INSYN2B: variants seen among roughly 807,000 people sequenced by gnomAD.
INSYN2B encodes inhibitory synaptic factor family member 2B, also known as protein INSYN2B.
INSYN2B carries 16 observed loss-of-function variants against 41.2 expected under a neutral mutation model. That is an observed-to-expected ratio of 0.39 (90% CI 0.26 to 0.59). The LOEUF is 0.59. INSYN2B is among the 20% of genes least tolerant of loss of function. INSYN2B has a pLI of 0.57. For missense variants in INSYN2B, 608 were observed against 646.4 expected, an observed-to-expected ratio of 0.94 and a Z score of 0.64; for synonymous variants, 245 against 244.4, an observed-to-expected ratio of 1.00 and a Z score of -0.02.
chr5:169,973,347 G>A (rs1777595958), intron 1 of INSYN2B, among the ~76,000 whole-genome samples: 1 of 152,134 alleles, frequency 6.6e-6, no homozygotes, highest in Admixed American at 6.5e-5. Context: ...CACATCTCCG[G>A]CTGATCACAG....
At chr5:169,954,490 G>A (rs558407422) in intron 1 of INSYN2B, among the ~76,000 whole-genome samples, 1 of 152,306 alleles carries the variant, frequency 6.6e-6, no homozygotes, top group South Asian at 2.1e-4. Flanking sequence ...GTCAGGCAGG[G>A]ACCAGAAAGA....
At chr5:169,934,813 AATTG>A (rs1487166012) in intron 1 of INSYN2B, 2 of 436,980 alleles carry the variant, frequency 4.6e-6, no homozygotes, top group Non-Finnish European at 9.3e-6. Flanking sequence ...CTGTATGATA[AATTG>A]ATTGTAGTGT....
At chr5:169,917,978 A>G (rs1216656724) in intron 1 of INSYN2B, among the ~76,000 whole-genome samples, 2 of 152,230 alleles carry the variant, frequency 1.3e-5, no homozygotes, top group Non-Finnish European at 2.9e-5. Context: ...GCCCTGAGCT[A>G]ATGTGTGTTC....
chr5:169,929,741 C>CAAAAA (rs1211612989), intron 1 of INSYN2B, among the ~76,000 whole-genome samples: 2 of 62,952 alleles, frequency 3.2e-5, no homozygotes, highest in African/African-American at 1.1e-4. Flanking sequence ...GACCCTGTCT[C>CAAAAA]AAAAAAAAAA....
intron 1 of INSYN2B, among the ~76,000 whole-genome samples, chr5:169,978,392 TGGGGGGG>T (rs150934804): frequency 4.4e-5 from 1 of 22,734 alleles, no homozygotes; most frequent in South Asian, 1.9e-3. Flanking sequence ...TGTGTGTGTG[TGGGGGGG>T]GGGGGGTGTA....
chr5:169,889,932 C>A (rs529562593), intron 1 of INSYN2B, among the ~76,000 whole-genome samples: 6 of 152,298 alleles, frequency 3.9e-5, no homozygotes, highest in Admixed American at 3.9e-4. Flanking sequence ...GACACATTGC[C>A]GTGTCCCTTC....
chr5:169,939,217 T>TA (rs1776130887), intron 1 of INSYN2B, among the ~76,000 whole-genome samples: 3 of 151,274 alleles, frequency 2.0e-5, no homozygotes, highest in South Asian at 4.2e-4. Context: ...TTTTTTTTTT[T>TA]AAACTTTTTA....
chr5:169,887,779 T>C (rs1283867198), intron 1 of INSYN2B, among the ~76,000 whole-genome samples: 1 of 152,214 alleles, frequency 6.6e-6, no homozygotes, highest in Non-Finnish European at 1.5e-5. Context: ...CTGTGCATTT[T>C]AGATTTCGTT....
chr5:169,874,726 G>A (rs1326187913), intron 3 of INSYN2B, among the ~76,000 whole-genome samples: 3 of 152,170 alleles, frequency 2.0e-5, no homozygotes, highest in Non-Finnish European at 4.4e-5. Flanking sequence ...GAGGAAAAAT[G>A]TCAGCCTGGA....
At chr5:169,929,126 C>T (rs1775619258) in intron 1 of INSYN2B, among the ~76,000 whole-genome samples, 1 of 152,172 alleles carries the variant, frequency 6.6e-6, no homozygotes. Flanking sequence ...AACCAGAGTG[C>T]CTATGCAGGA....
At chr5:169,909,538 C>CAG (rs1352959747) in intron 1 of INSYN2B, among the ~76,000 whole-genome samples, 1 of 152,232 alleles carries the variant, frequency 6.6e-6, no homozygotes, top group African/African-American at 2.4e-5. Flanking sequence ...ATCTTTATGT[C>CAG]AGTCCTGCAA....
intron 1 of INSYN2B, chr5:169,934,783 A>C: frequency 4.4e-6 from 2 of 450,108 alleles, no homozygotes; most frequent in South Asian, 1.6e-5. Flanking sequence ...TGCAATCCTT[A>C]TTGTTAGTTT....
intron 1 of INSYN2B, chr5:169,934,840 G>T: frequency 2.5e-6 from 1 of 406,814 alleles, no homozygotes; most frequent in Non-Finnish European, 5.0e-6. Context: ...TCTGCAAATA[G>T]GTAAATAAAG....
chr5:169,938,029 A>T (rs969503551), intron 1 of INSYN2B, among the ~76,000 whole-genome samples: 3 of 152,318 alleles, frequency 2.0e-5, no homozygotes, highest in Admixed American at 2.0e-4. Context: ...AAATCCTGGG[A>T]GCCATTAAGT....
chr5:169,925,640 C>CATTG (rs1428315420), intron 1 of INSYN2B, among the ~76,000 whole-genome samples: 5 of 149,218 alleles, frequency 3.4e-5, no homozygotes, highest in Non-Finnish European at 1.5e-5. Flanking sequence ...GCAGCTCTGC[C>CATTG]ATTGATTGGT....
intron 3 of INSYN2B, among the ~76,000 whole-genome samples, chr5:169,867,330 A>G (rs564693494): frequency 6.6e-6 from 1 of 152,182 alleles, no homozygotes; most frequent in African/African-American, 2.4e-5. Flanking sequence ...CCTGAGGCCT[A>G]ACTCACCCAA....
chr5:169,904,396 A>G lies in INSYN2B; in HGVS notation c.-918-19580T>C, dbSNP rs74883797. On this transcript the variant is annotated intron_variant, in intron 1 of 3. Coordinates refer to ENST00000377365, the MANE Select transcript of INSYN2B (RefSeq NM_001129891.3). ...GCAACTTGTTCTCTCTAAATCACCT[A>G]CCTGTCTATGGAATTTCTACCAGTG... is the stretch of plus-strand genomic sequence containing the variant. Among the ~76,000 whole-genome samples the G allele has an allele frequency of 5.0e-4, 76 of 152,218 alleles. 1 individual carries two copies. The East Asian group carries it at 0.015, about 29-fold the overall frequency.
chr5:169,903,556 A>C (rs1426496714), intron 1 of INSYN2B, among the ~76,000 whole-genome samples: 1 of 151,910 alleles, frequency 6.6e-6, no homozygotes, highest in Non-Finnish European at 1.5e-5. Context: ...TCGGGTGGGC[A>C]CAAGTGGGGA....
chr5:169,910,916 C>A (rs1056047005), intron 1 of INSYN2B, among the ~76,000 whole-genome samples: 3 of 152,150 alleles, frequency 2.0e-5, no homozygotes, highest in African/African-American at 7.2e-5. Flanking sequence ...GAACACTATC[C>A]TCACAAGGCA....
Sources: gnomAD v4.1 joint callset for allele counts (sites outside exome capture counted in the v4.1 genomes callset) on GRCh38, gnomAD v4.1.1 for gene constraint, MANE v1.5 for transcripts, NCBI Gene and HGNC (gene_info 2026-07-23, HGNC 2026-07-21) for gene names.